INCA1: variants seen among roughly 807,000 people sequenced by gnomAD.
INCA1 encodes the protein inhibitor of CDK, cyclin A1 interacting protein 1.
INCA1 carries 28 observed loss-of-function variants against 25.7 expected under a neutral mutation model. The observed-to-expected ratio is 1.09, with a 90% CI of 0.81 to 1.49. The LOEUF (loss-of-function observed/expected upper bound fraction) is 1.49, where lower values mean the gene tolerates loss of function less well. INCA1 is among the 40% of genes most tolerant of loss of function. INCA1 has a pLI of 0.00. For missense variants in INCA1, 309 were observed against 290.9 expected, an observed-to-expected ratio of 1.06 and a Z score of -0.45; for synonymous variants, 111 against 103.6, an observed-to-expected ratio of 1.07 and a Z score of -0.43.
chr17:4,996,325 T>C (rs989842319), intron 1 of INCA1, among the ~76,000 whole-genome samples: 41 of 150,090 alleles, frequency 2.7e-4, no homozygotes, highest in African/African-American at 9.3e-4. Flanking sequence ...TGCAGTGAGG[T>C]AAGATCGCAC....
At chr17:4,993,829 T>C (rs561669534) in intron 2 of INCA1, among the ~76,000 whole-genome samples, 2 of 138,914 alleles carry the variant, frequency 1.4e-5, no homozygotes, top group South Asian at 4.7e-4. Context: ...TGGAGTGCAG[T>C]GGCACAATCT....
chr17:4,992,304 A>G (rs1043351560), intron 2 of INCA1, among the ~76,000 whole-genome samples: 1 of 152,116 alleles, frequency 6.6e-6, no homozygotes, highest in Admixed American at 6.5e-5. Flanking sequence ...TTCTTTTTTG[A>G]GACAGTCTCA....
At chr17:4,989,735 C>G in intron 4 of INCA1, 111 bp from the exon 5 acceptor site, 1 of 1,550,506 alleles carries the variant, frequency 6.4e-7, no homozygotes, top group Non-Finnish European at 8.9e-7. Context: ...CCTGTGATCT[C>G]GAAAACATGA....
chr17:4,989,894 A>G (rs770996876), exon 4 of INCA1: 9 of 1,614,238 alleles, frequency 5.6e-6, no homozygotes, highest in South Asian at 5.5e-5. Context: ...TCTTACCAGC[A>G]TGGGTGGAAT....
chr17:4,990,169 G>C lies in INCA1; in HGVS notation c.141C>G (p.Asn47Lys), dbSNP rs146922811. 1.5e-4 allele frequency: 242 copies of C among 1,614,054 alleles called. No individual in the cohort carries two copies. Among genetic ancestry groups the C allele is most frequent in the Non-Finnish European group, 2.0e-4 (232 of 1,180,046 alleles). ...CTACTCACGTGGGCCTTTGATTAAG[G>C]TTCTTCCAGAAGACATCTCCATAAC... Residue 47 changes from asparagine (N) to lysine (K), a missense_variant, in exon 3 of 7, where the codon AAC becomes AAG. Transcript: ENST00000576820.
At chr17:4,989,710 G>C in intron 4 of INCA1, 86 bp from the exon 5 acceptor site, 18 of 1,571,628 alleles carry the variant, frequency 1.1e-5, no homozygotes, top group Non-Finnish European at 1.6e-5. Flanking sequence ...GGGAGTCTGG[G>C]GTCTTGGGAA....
intron 1 of INCA1, among the ~76,000 whole-genome samples, chr17:4,995,649 G>A (rs1974190120): frequency 6.6e-6 from 1 of 152,094 alleles, no homozygotes; most frequent in Non-Finnish European, 1.5e-5. Context: ...AAAAAAGTTG[G>A]CTGGGTGTGG....
At chr17:4,992,288 T>C (rs559903765) in intron 2 of INCA1, among the ~76,000 whole-genome samples, 5 of 151,924 alleles carry the variant, frequency 3.3e-5, no homozygotes, top group Non-Finnish European at 5.9e-5. Flanking sequence ...ACCGTTTTTT[T>C]TCTTCTTCTT....
intron 2 of INCA1, 114 bp from the exon 3 acceptor site, chr17:4,990,379 C>T (rs973709529): frequency 7.5e-6 from 9 of 1,198,228 alleles, no homozygotes; most frequent in Admixed American, 5.7e-5. Flanking sequence ...CAGGTTCCCT[C>T]GGGCCATGTC....
chr17:4,993,894 C>G (rs1597817966), intron 2 of INCA1, among the ~76,000 whole-genome samples: 1 of 151,328 alleles, frequency 6.6e-6, no homozygotes, highest in African/African-American at 2.4e-5. Flanking sequence ...GCCTCAGCCT[C>G]CCAAGTAGCT....
chr17:4,992,085 G>A (rs1973909679), intron 2 of INCA1, among the ~76,000 whole-genome samples: 2 of 152,180 alleles, frequency 1.3e-5, no homozygotes, highest in African/African-American at 2.4e-5. Context: ...TAGGGGGCTA[G>A]ATGGGTATAG....
chr17:4,994,140 C>T (rs1209048550), intron 2 of INCA1, among the ~76,000 whole-genome samples: 1 of 152,112 alleles, frequency 6.6e-6, no homozygotes, highest in South Asian at 2.1e-4. Context: ...TTCTGTGTTC[C>T]CCTCTCTAGA....
rs879765607 is a variant in INCA1 at position 4,996,388 on chromosome 17, G to GA, written c.-39+614dup. On this transcript the variant is annotated intron_variant, in intron 1 of 6. Transcript: ENST00000576820. The stretch of plus-strand genomic sequence containing the variant: ...CAGAGTGAGACCCTGTTTCTAAGAA[G>GA]AAAAAAAAAAAAGCCAGGCGCGGTG... Among the ~76,000 whole-genome samples the GA allele has an allele frequency of 1.5e-3, 201 of 133,094 alleles. 2 individuals carry two copies. The highest frequency in any genetic ancestry group is 1.9e-3 in the Non-Finnish European group (115 of 61,918). The allele number at this position is 133,094 out of a possible 152,430, so 87.3% of individuals were successfully genotyped here.
At chr17:4,988,731 G>C (rs1973559840) in intron 6 of INCA1, 48 bp downstream of exon 6, 2 of 1,607,938 alleles carry the variant, frequency 1.2e-6, no homozygotes, top group Non-Finnish European at 1.7e-6. Flanking sequence ...TGCAAGACCA[G>C]AGACCCACAT....
rs759163847 is a variant in INCA1 at position 4,989,468 on chromosome 17, GGTAA to G, written c.351_354del (p.Tyr118ThrfsTer5). 8.7e-6 allele frequency: 14 copies of G among 1,614,052 alleles called. No homozygotes were observed. In the African/African-American group the frequency reaches 1.6e-4, roughly 18 times the overall value. On this transcript the variant is annotated frameshift_variant, in exon 5 of 7. Transcript: ENST00000576820. LOFTEE classifies it high-confidence loss of function. Reference sequence around the variant, plus strand: ...TGACGCCTTCTTAGGTCCTCCAGGTGGTAAGTGACAGCCCTCACCCGGGCGGGGA... The same window carrying G: ...TGACGCCTTCTTAGGTCCTCCAGGTGGTGACAGCCCTCACCCGGGCGGGGA...
At chr17:4,992,176 T>C (rs1454386141) in intron 2 of INCA1, among the ~76,000 whole-genome samples, 8 of 152,228 alleles carry the variant, frequency 5.3e-5, no homozygotes, top group Admixed American at 5.2e-4. Flanking sequence ...CTATTTTCTC[T>C]ACTGTGTTTG....
At chr17:4,992,022 G>A (rs1022256147) in intron 2 of INCA1, among the ~76,000 whole-genome samples, 2 of 152,024 alleles carry the variant, frequency 1.3e-5, no homozygotes, top group African/African-American at 4.8e-5. Context: ...TGTGAGAGAT[G>A]ATCATACGAA....
intron 2 of INCA1, among the ~76,000 whole-genome samples, chr17:4,992,588 CTTGTT>C (rs770526136): frequency 1.5e-4 from 22 of 144,946 alleles, no homozygotes; most frequent in Non-Finnish European, 2.3e-4. Context: ...CCGGCCTATA[CTTGTT>C]TTATTTATTT....
exon 7 of INCA1, chr17:4,988,364 C>T (rs756348760): frequency 2.6e-6 from 4 of 1,555,330 alleles, no homozygotes; most frequent in Non-Finnish European, 2.6e-6. Context: ...AGTCTTGGGT[C>T]CCTGGGGCAC....
Sources: gnomAD v4.1 joint callset for allele counts (sites outside exome capture counted in the v4.1 genomes callset) on GRCh38, gnomAD v4.1.1 for gene constraint, MANE v1.5 for transcripts, NCBI Gene and HGNC (gene_info 2026-07-23, HGNC 2026-07-21) for gene names.